Variants in SEPTIN9 observed in about 807,000 individuals in gnomAD.
SEPTIN9 encodes septin 9, also known as septin-9.
A neutral mutation model predicts 56.6 loss-of-function variants in SEPTIN9; 13 were observed. That is an observed-to-expected ratio of 0.23 (90% CI 0.15 to 0.37). SEPTIN9 has a LOEUF of 0.37. Ranked by LOEUF, SEPTIN9 falls within the 10% of genes least tolerant of loss-of-function variation. SEPTIN9 has a pLI of 1.00. For synonymous variants in SEPTIN9, 332 were observed against 334.1 expected, an observed-to-expected ratio of 0.99 and a Z score of 0.07; for missense variants, 650 against 823.1, an observed-to-expected ratio of 0.79 and a Z score of 2.57.
chr17:77,337,268 C>G (rs148810901), intron 2 of SEPTIN9, among the ~76,000 whole-genome samples: 1 of 152,234 alleles, frequency 6.6e-6, no homozygotes, highest in Non-Finnish European at 1.5e-5. Flanking sequence ...CTCTGCCTCC[C>G]AAAGTGCTGA....
At chr17:77,406,933 C>G (rs190339646) in intron 3 of SEPTIN9, among the ~76,000 whole-genome samples, 1 of 152,176 alleles carries the variant, frequency 6.6e-6, no homozygotes, top group Admixed American at 6.5e-5. Flanking sequence ...CTTCCCTGAC[C>G]TCCCAAAGTG....
At chr17:77,395,508 G>A (rs1156949863) in intron 2 of SEPTIN9, among the ~76,000 whole-genome samples, 2 of 143,504 alleles carry the variant, frequency 1.4e-5, no homozygotes, top group Non-Finnish European at 1.5e-5. Context: ...CAGTCTGGGC[G>A]ACAGAGCGAG....
At chr17:77,344,620 G>A (rs1049982067) in intron 2 of SEPTIN9, among the ~76,000 whole-genome samples, 6 of 152,182 alleles carry the variant, frequency 3.9e-5, no homozygotes, top group African/African-American at 1.4e-4. Context: ...TCCACCAGCG[G>A]ATGAATGAAC....
chr17:77,500,352 G>A lies in SEPTIN9; in HGVS notation c.*1694G>A, dbSNP rs1325051584. 5 of 190,300 alleles carry A rather than the reference G, an allele frequency of 2.6e-5. No homozygotes were observed. The highest frequency in any genetic ancestry group is 8.5e-5 in the East Asian group (1 of 11,802). The allele number at this position is 190,300 out of a possible 1,614,324, so 11.8% of individuals were successfully genotyped here. Reference sequence around the variant, plus strand: ...CCAGCGCCAGGGCCCAGGCCATGTGGCCTGCCCAGCCTCAATGTCACTTGG... The same window carrying A: ...CCAGCGCCAGGGCCCAGGCCATGTGACCTGCCCAGCCTCAATGTCACTTGG... On this transcript the variant is annotated 3_prime_UTR_variant, in exon 12 of 12. Coordinates refer to ENST00000427177, the MANE Select transcript of SEPTIN9 (RefSeq NM_001113491.2).
In SEPTIN9 at chr17:77,487,335, G is replaced by T. The variant is rs989558244; in HGVS notation, c.914-89G>T. On this transcript the variant is annotated intron_variant, in intron 4 of 11. Coordinates refer to ENST00000427177, the MANE Select transcript of SEPTIN9 (RefSeq NM_001113491.2). The surrounding 1 kb of genome is among the most constrained non-coding windows in gnomAD (Gnocchi z 4.3). ...GCACTGCTGAATCTCAGACTGGAGA[G>T]CCTCGTGCCTGGGTGGGAGGGGCCC... The T allele has an allele frequency of 5.7e-6, 8 of 1,400,920 alleles. No individual in the cohort carries two copies. Among genetic ancestry groups the T allele is most frequent in the African/African-American group, 1.4e-5 (1 of 69,874 alleles). The allele number at this position is 1,400,920 out of a possible 1,614,324, so 86.8% of individuals were successfully genotyped here.
intron 1 of SEPTIN9, among the ~76,000 whole-genome samples, chr17:77,288,551 G>A (rs1331961429): frequency 6.6e-6 from 1 of 152,242 alleles, no homozygotes; most frequent in Admixed American, 6.5e-5. Flanking sequence ...GCACCCTGGG[G>A]CCGGGGCTTC....
chr17:77,371,220 C>T lies in SEPTIN9; in HGVS notation c.77-30839C>T, dbSNP rs1461816077. ...GAAGGGGCAGTGGCTGGGGCTGGAG[C>T]CGGTGGGCTCTGAGCACAGTCACGA... On this transcript the variant is annotated intron_variant, in intron 2 of 11. Transcript: ENST00000427177. The surrounding 1 kb of genome is among the most constrained non-coding windows in gnomAD (Gnocchi z 4.1). 1.3e-5 allele frequency among the ~76,000 whole-genome samples: 2 copies of T among 152,184 alleles called. No homozygotes were observed. The highest frequency in any genetic ancestry group is 2.9e-5 in the Non-Finnish European group (2 of 68,038).
intron 3 of SEPTIN9, chr17:77,444,954 G>A (rs2037680326): frequency 2.7e-6 from 1 of 367,070 alleles, no homozygotes; most frequent in Non-Finnish European, 5.7e-6. Flanking sequence ...TTTTGAGATT[G>A]GGGCATCCTG....
At chr17:77,497,804 C>T (rs1415819234) in intron 11 of SEPTIN9, among the ~76,000 whole-genome samples, 3 of 152,072 alleles carry the variant, frequency 2.0e-5, no homozygotes, top group Non-Finnish European at 2.9e-5. Context: ...AGGGGAAGCC[C>T]TGATGGAGAG....
intron 2 of SEPTIN9, among the ~76,000 whole-genome samples, chr17:77,387,204 C>G: frequency 6.6e-6 from 1 of 152,238 alleles, no homozygotes; most frequent in East Asian, 1.9e-4. Flanking sequence ...TTTGGGGCCT[C>G]TGCGGGAGGC....
chr17:77,396,504 C>CA (rs1319462042), intron 2 of SEPTIN9, among the ~76,000 whole-genome samples: 1 of 152,152 alleles, frequency 6.6e-6, no homozygotes, highest in South Asian at 2.1e-4. Flanking sequence ...TGTAAAGTGA[C>CA]AAGGACCTGC....
At chr17:77,296,609 T>TGAGGTTA (rs2031825395) in intron 1 of SEPTIN9, among the ~76,000 whole-genome samples, 10 of 152,140 alleles carry the variant, frequency 6.6e-5, no homozygotes, top group Admixed American at 5.2e-4. Flanking sequence ...AACCAGCACA[T>TGAGGTTA]TGGTAGGCTG....
At chr17:77,472,726 G>A (rs1390413161) in intron 3 of SEPTIN9, 1 of 152,228 alleles carries the variant, frequency 6.6e-6, no homozygotes, top group African/African-American at 2.4e-5. Context: ...TCTCAGGAGG[G>A]GAAGGCAGAG....
At chr17:77,403,572 G>A (rs2035972984) in intron 3 of SEPTIN9, among the ~76,000 whole-genome samples, 1 of 152,162 alleles carries the variant, frequency 6.6e-6, no homozygotes, top group Admixed American at 6.5e-5. Flanking sequence ...TCAGAAGCGT[G>A]CCCCCTGGCC....
chr17:77,422,947 C>T (rs531310677), intron 3 of SEPTIN9, among the ~76,000 whole-genome samples: 34 of 152,270 alleles, frequency 2.2e-4, no homozygotes, highest in Middle Eastern at 6.8e-3. Flanking sequence ...CCTTCTGGTT[C>T]GTCTCCCTTT....
At chr17:77,386,683 G>A (rs191331893) in intron 2 of SEPTIN9, among the ~76,000 whole-genome samples, 73 of 152,316 alleles carry the variant, frequency 4.8e-4, no homozygotes, top group African/African-American at 1.7e-3. Flanking sequence ...TGATCCTTGC[G>A]GACAGGTGAC....
intron 1 of SEPTIN9, among the ~76,000 whole-genome samples, chr17:77,290,730 G>A (rs1026334379): frequency 1.3e-5 from 2 of 150,634 alleles, no homozygotes; most frequent in African/African-American, 4.9e-5. Context: ...CAGGAGAATG[G>A]CATGAACCCG....
chr17:77,294,660 G>A (rs933871389), intron 1 of SEPTIN9: 2 of 153,262 alleles, frequency 1.3e-5, no homozygotes, highest in East Asian at 1.8e-4. Context: ...TGCATATGAG[G>A]CATTTGTGCA....
At chr17:77,423,794 G>T (rs532539065) in intron 3 of SEPTIN9, among the ~76,000 whole-genome samples, 1 of 152,232 alleles carries the variant, frequency 6.6e-6, no homozygotes, top group Admixed American at 6.5e-5. Flanking sequence ...GAGTGAGTAA[G>T]AAAGTGGCAG....
Sources: gnomAD v4.1 joint callset for allele counts (sites outside exome capture counted in the v4.1 genomes callset) on GRCh38, gnomAD v4.1.1 for gene constraint, Gnocchi (gnomAD v3.1) non-coding constraint, MANE v1.5 for transcripts, NCBI Gene and HGNC (gene_info 2026-07-23, HGNC 2026-07-21) for gene names.